LRRC4C: variants seen among roughly 807,000 people sequenced by gnomAD.
LRRC4C encodes leucine rich repeat containing 4C.
A neutral mutation model predicts 33.6 loss-of-function variants in LRRC4C; 5 were observed. That is an observed-to-expected ratio of 0.15 (90% CI 0.08 to 0.31). LRRC4C has a LOEUF of 0.31. LRRC4C is among the 10% of genes least tolerant of loss of function. The pLI is 1.00. For missense variants in LRRC4C, 560 were observed against 796.7 expected, an observed-to-expected ratio of 0.70 and a Z score of 3.58; for synonymous variants, 329 against 302.0, an observed-to-expected ratio of 1.09 and a Z score of -0.93.
intron 4 of LRRC4C, among the ~76,000 whole-genome samples, chr11:40,270,410 T>G (rs1191404247): frequency 6.6e-6 from 1 of 151,950 alleles, no homozygotes; most frequent in Non-Finnish European, 1.5e-5. Context: ...AGATTTCCTC[T>G]TCTTAAAAGG....
At chr11:40,750,660 G>A (rs1290930759) in intron 2 of LRRC4C, among the ~76,000 whole-genome samples, 1 of 113,498 alleles carries the variant, frequency 8.8e-6, no homozygotes, top group Admixed American at 1.1e-4. Context: ...TTGTGGGGTG[G>A]GGGGAGGGGG....
intron 1 of LRRC4C, among the ~76,000 whole-genome samples, chr11:41,213,355 C>T (rs897287581): frequency 5.3e-5 from 8 of 152,104 alleles, no homozygotes; most frequent in African/African-American, 1.9e-4. Flanking sequence ...CATTAATGCC[C>T]ACCTGGGGAC....
At chr11:40,290,454 G>A (rs958038352) in intron 4 of LRRC4C, among the ~76,000 whole-genome samples, 1 of 152,204 alleles carries the variant, frequency 6.6e-6, no homozygotes, top group African/African-American at 2.4e-5. Context: ...ATAAATTAGA[G>A]AAGTGCTCAG....
At chr11:41,366,911 G>T (rs1162566688) in intron 1 of LRRC4C, among the ~76,000 whole-genome samples, 1 of 152,228 alleles carries the variant, frequency 6.6e-6, no homozygotes, top group East Asian at 1.9e-4. Context: ...TGTCAAGGCA[G>T]TTCTAGCAAA....
intron 4 of LRRC4C, among the ~76,000 whole-genome samples, chr11:40,268,858 G>A (rs567437295): frequency 6.6e-6 from 1 of 152,170 alleles, no homozygotes; most frequent in South Asian, 2.1e-4. Context: ...AACTTCCTCA[G>A]GAGATCCTAT....
chr11:40,885,906 T>C (rs1955431817), intron 2 of LRRC4C, among the ~76,000 whole-genome samples: 2 of 152,060 alleles, frequency 1.3e-5, no homozygotes, highest in African/African-American at 4.8e-5. Flanking sequence ...GATCCCCTTA[T>C]ATTTTGGATG....
intron 1 of LRRC4C, among the ~76,000 whole-genome samples, chr11:41,267,943 T>C (rs1329308962): frequency 1.3e-5 from 2 of 152,140 alleles, no homozygotes; most frequent in African/African-American, 4.8e-5. Flanking sequence ...GTTGTTTTCT[T>C]AAAACACTTT....
intron 3 of LRRC4C, among the ~76,000 whole-genome samples, chr11:40,582,846 A>G (rs189916732): frequency 6.6e-6 from 1 of 152,138 alleles, no homozygotes; most frequent in East Asian, 1.9e-4. Context: ...TAGATGCATA[A>G]TAATTGTACA....
chr11:41,120,104 C>T (rs907555155), intron 1 of LRRC4C, among the ~76,000 whole-genome samples: 24 of 152,030 alleles, frequency 1.6e-4, no homozygotes, highest in Admixed American at 3.3e-4. Flanking sequence ...GAGATCTGGC[C>T]TTAAAATTTT....
rs542139986 is a variant in LRRC4C at position 40,240,251 on chromosome 11, T to C, written c.-96+1268A>G. Among the ~76,000 whole-genome samples, 4 of 152,362 alleles carry C rather than the reference T, an allele frequency of 2.6e-5. No individual in the cohort carries two copies. In the South Asian group the frequency reaches 8.3e-4, roughly 32 times the overall value. The stretch of plus-strand genomic sequence containing the variant: ...AAAAAGATTTCTCCAGTGTATAGAA[T>C]GTATACCTTTCATTCACATTATATC... On this transcript the variant is annotated intron_variant, in intron 5 of 6. Transcript: ENST00000528697.
chr11:40,770,039 CA>C (rs1420779100), intron 2 of LRRC4C, among the ~76,000 whole-genome samples: 1 of 151,992 alleles, frequency 6.6e-6, no homozygotes, highest in African/African-American at 2.4e-5. Flanking sequence ...TTCCGCACAT[CA>C]AAGGAAACAA....
intron 1 of LRRC4C, among the ~76,000 whole-genome samples, chr11:41,386,378 C>T (rs776004012): frequency 6.6e-6 from 1 of 151,454 alleles, no homozygotes; most frequent in African/African-American, 2.4e-5. Flanking sequence ...TAGAGAGTTC[C>T]CATATGCCCT....
At chr11:41,212,498 G>T (rs1372852647) in intron 1 of LRRC4C, among the ~76,000 whole-genome samples, 1 of 152,208 alleles carries the variant, frequency 6.6e-6, no homozygotes, top group Non-Finnish European at 1.5e-5. Context: ...CATGTGCCAT[G>T]GTGGTTTGCT....
chr11:40,588,265 G>C (rs1481754273), intron 3 of LRRC4C, among the ~76,000 whole-genome samples: 1 of 151,424 alleles, frequency 6.6e-6, no homozygotes, highest in African/African-American at 2.4e-5. Flanking sequence ...TATTTGCGTA[G>C]AGGTGTTTGT....
At chr11:40,941,897 TA>T (rs1408155437) in intron 1 of LRRC4C, among the ~76,000 whole-genome samples, 1 of 152,092 alleles carries the variant, frequency 6.6e-6, no homozygotes, top group African/African-American at 2.4e-5. Flanking sequence ...GTATACAGGA[TA>T]GAGAAGGCAT....
intron 2 of LRRC4C, among the ~76,000 whole-genome samples, chr11:40,912,199 C>T (rs1403035159): frequency 6.6e-6 from 1 of 152,000 alleles, no homozygotes; most frequent in African/African-American, 2.4e-5. Context: ...CAGAGAATGC[C>T]ACAAAGATAC....
chr11:40,969,051 A>T (rs1415394892), intron 1 of LRRC4C, among the ~76,000 whole-genome samples: 1 of 152,184 alleles, frequency 6.6e-6, no homozygotes, highest in Non-Finnish European at 1.5e-5. Context: ...TGCCATTAAG[A>T]ACATTCATGA....
chr11:41,337,671 G>A (rs1422429404), intron 1 of LRRC4C, among the ~76,000 whole-genome samples: 1 of 152,114 alleles, frequency 6.6e-6, no homozygotes, highest in Non-Finnish European at 1.5e-5. Context: ...TGTAACAGAA[G>A]CTAAAATTAA....
At chr11:41,406,405 T>C (rs1283966390) in intron 1 of LRRC4C, among the ~76,000 whole-genome samples, 1 of 152,114 alleles carries the variant, frequency 6.6e-6, no homozygotes, top group African/African-American at 2.4e-5. Context: ...CTTTAGGAAA[T>C]ATATACAAAG....
Sources: allele counts gnomAD v4.1 joint callset (sites outside exome capture counted in the v4.1 genomes callset), GRCh38; gene constraint gnomAD v4.1.1; transcripts MANE v1.5; gene names NCBI Gene and HGNC (gene_info 2026-07-23, HGNC 2026-07-21).